The following ERICH5 variants were observed in gnomAD, a reference collection of about 807,000 sequenced individuals.
The protein encoded by ERICH5 is glutamate-rich protein 5.
In ERICH5, 24 loss-of-function variants were observed where a neutral mutation model predicts 28.0. That is an observed-to-expected ratio of 0.86 (90% confidence interval 0.62 to 1.21). The LOEUF (loss-of-function observed/expected upper bound fraction) is 1.21. ERICH5 is among the 50% of genes most tolerant of loss of function. The probability of loss-of-function intolerance (pLI) is 0.00; values close to 1 mark genes in which losing one functional copy is unlikely to be tolerated. For missense variants in ERICH5, 421 were observed against 441.2 expected (o/e 0.95, Z 0.41); for synonymous variants, 163 against 157.6 (o/e 1.03, Z -0.25).
Position 98,070,041 on chromosome 8 carries a change from A to G in ERICH5, c.58+5314A>G, listed in dbSNP as rs568728597. On this transcript the variant is annotated intron_variant, in intron 1 of 2. Coordinates refer to ENST00000318528, the MANE Select transcript of ERICH5 (RefSeq NM_173549.3). Reference sequence around the variant, plus strand: ...AGCTAGAAAACGAAGCTTAATACAGATAAGTCACTTGCCCTGGTCTCAGAG... The same window carrying G: ...AGCTAGAAAACGAAGCTTAATACAGGTAAGTCACTTGCCCTGGTCTCAGAG... Among the ~76,000 whole-genome samples the G allele has an allele frequency of 3.9e-5, 6 of 152,276 alleles. No homozygotes were observed. In the South Asian group the frequency reaches 1.2e-3, roughly 32 times the overall value.
In ERICH5 at chr8:98,070,942, A is replaced by C. The variant is rs546829255; in HGVS notation, c.58+6215A>C. ...CTATGCAGGAAAAGGTTAGCACTGT[A>C]AAACAACGCTTGATTGTCTGCCATT... On this transcript the variant is annotated intron_variant, in intron 1 of 2. Transcript: ENST00000318528. Among the ~76,000 whole-genome samples the C allele has an allele frequency of 1.2e-3, 185 of 152,258 alleles. 1 individual carries two copies. Among genetic ancestry groups the C allele is most frequent in the African/African-American group, 4.2e-3 (173 of 41,562 alleles).
intron 2 of ERICH5, among the ~76,000 whole-genome samples, chr8:98,090,612 A>G (rs945424784): frequency 2.6e-5 from 4 of 151,922 alleles, no homozygotes; most frequent in Non-Finnish European, 4.4e-5. Flanking sequence ...AAAAAAAAAA[A>G]AAAGAAAGAA....
At chr8:98,066,680 A>G (rs1024457100) in intron 1 of ERICH5, among the ~76,000 whole-genome samples, 2 of 152,198 alleles carry the variant, frequency 1.3e-5, no homozygotes, top group Non-Finnish European at 2.9e-5. Context: ...TTAACCTAAT[A>G]TGCGGCGTAA....
chr8:98,079,793 G>A (rs562562680), intron 1 of ERICH5, among the ~76,000 whole-genome samples: 31 of 152,320 alleles, frequency 2.0e-4, no homozygotes, highest in African/African-American at 7.0e-4. Context: ...ACCTGCCTTA[G>A]CCTCCCAAAG....
intron 1 of ERICH5, among the ~76,000 whole-genome samples, chr8:98,076,156 C>T (rs1361772340): frequency 2.6e-5 from 4 of 152,192 alleles, no homozygotes; most frequent in Admixed American, 6.5e-5. Context: ...TGAGTTCAAG[C>T]GATTCTCCTG....
At chr8:98,091,840 C>CTTTA (rs1359285283) in intron 2 of ERICH5, among the ~76,000 whole-genome samples, 25 of 52,612 alleles carry the variant, frequency 4.8e-4, no homozygotes, top group Non-Finnish European at 8.4e-4. Flanking sequence ...TTTTCTTTTT[C>CTTTA]TTTCTTTCTT....
At chr8:98,079,129 G>C (rs2130520286) in intron 1 of ERICH5, among the ~76,000 whole-genome samples, 1 of 149,810 alleles carries the variant, frequency 6.7e-6, no homozygotes, top group East Asian at 2.0e-4. Flanking sequence ...GTAAACCCTA[G>C]GATACCAGGG....
intron 1 of ERICH5, among the ~76,000 whole-genome samples, chr8:98,081,665 C>T (rs528210645): frequency 7.2e-5 from 11 of 152,184 alleles, no homozygotes; most frequent in South Asian, 6.2e-4. Context: ...CTGTGGCTTA[C>T]GCCTGTAACC....
chr8:98,078,872 T>G (rs1041533338), intron 1 of ERICH5, among the ~76,000 whole-genome samples: 1 of 152,196 alleles, frequency 6.6e-6, no homozygotes, highest in Non-Finnish European at 1.5e-5. Flanking sequence ...TCTACAATAT[T>G]TATTATATAA....
At chr8:98,091,448 A>G (rs951618997) in intron 2 of ERICH5, among the ~76,000 whole-genome samples, 6 of 152,200 alleles carry the variant, frequency 3.9e-5, no homozygotes, top group Non-Finnish European at 8.8e-5. Flanking sequence ...GGGAGAGGCA[A>G]ATAAAAGCAG....
chr8:98,076,377 G>T (rs1444612180), intron 1 of ERICH5, among the ~76,000 whole-genome samples: 1 of 141,360 alleles, frequency 7.1e-6, no homozygotes, highest in Non-Finnish European at 1.5e-5. Context: ...TTTCAGAAGA[G>T]AAATTAGAAG....
rs181884406 is a variant in ERICH5 at position 98,085,443 on chromosome 8, G to A, written c.59-3633G>A. On this transcript the variant is annotated intron_variant, in intron 1 of 2. Coordinates refer to ENST00000318528, the MANE Select transcript of ERICH5 (RefSeq NM_173549.3). The stretch of plus-strand genomic sequence containing the variant: ...CTCCCAAAGTGCTGGGATTACAGGC[G>A]TGAGCCACCGCTCCCGGCCGTTCCA... Among the ~76,000 whole-genome samples, 1,230 of 152,062 alleles carry A rather than the reference G, an allele frequency of 8.1e-3. 16 individuals are homozygous for A. The highest frequency in any genetic ancestry group is 0.013 in the Admixed American group (195 of 15,282).
chr8:98,085,891 C>G (rs1815268337), intron 1 of ERICH5, among the ~76,000 whole-genome samples: 1 of 152,144 alleles, frequency 6.6e-6, no homozygotes, highest in African/African-American at 2.4e-5. Context: ...GGTCACACAG[C>G]GTTTATCGCA....
chr8:98,091,917 C>CT lies in ERICH5; in HGVS notation c.1013-1302dup, dbSNP rs1278720071. On this transcript the variant is annotated intron_variant, in intron 2 of 2. Coordinates refer to ENST00000318528, the MANE Select transcript of ERICH5 (RefSeq NM_173549.3). Reference sequence around the variant, plus strand: ...CTTTCTTTCCTTTCTTTCTTTCTTTCTTCCTTTCTTTCTTTCTTCCTTTCT... The same window carrying CT: ...CTTTCTTTCCTTTCTTTCTTTCTTTCTTTCCTTTCTTTCTTTCTTCCTTTCT... 5.2e-3 allele frequency among the ~76,000 whole-genome samples: 366 copies of CT among 71,054 alleles called. 13 individuals are homozygous for CT. The highest frequency in any genetic ancestry group is 0.019 in the African/African-American group (330 of 17,076). The allele number at this position is 71,054 out of a possible 152,430, so 46.6% of individuals were successfully genotyped here. A position where few individuals can be genotyped will look rare whatever the true frequency, so the allele number is the denominator to read the frequency against.
intron 1 of ERICH5, 108 bp from the exon 2 acceptor site, chr8:98,088,968 C>A: frequency 1.2e-6 from 1 of 816,290 alleles, no homozygotes; most frequent in Non-Finnish European, 1.9e-6. Flanking sequence ...TTGGAACTGT[C>A]TTGAACTGTT....
chr8:98,067,637 C>G (rs1280603603), intron 1 of ERICH5, among the ~76,000 whole-genome samples: 1 of 149,622 alleles, frequency 6.7e-6, no homozygotes, highest in Non-Finnish European at 1.5e-5. Context: ...TTTTTTGAGA[C>G]GGCATTTCGC....
At chr8:98,088,656 T>C (rs1815322387) in intron 1 of ERICH5, among the ~76,000 whole-genome samples, 1 of 152,150 alleles carries the variant, frequency 6.6e-6, no homozygotes, top group South Asian at 2.1e-4. Context: ...CCTTCTAAGT[T>C]TGGGAATCTT....
At chr8:98,080,317 A>G (rs1163744706) in intron 1 of ERICH5, among the ~76,000 whole-genome samples, 1 of 152,250 alleles carries the variant, frequency 6.6e-6, no homozygotes, top group Non-Finnish European at 1.5e-5. Context: ...CAGATTGCAC[A>G]GGTAAGTAAA....
chr8:98,072,461 C>T (rs549589383), intron 1 of ERICH5, among the ~76,000 whole-genome samples: 1 of 152,132 alleles, frequency 6.6e-6, no homozygotes, highest in Non-Finnish European at 1.5e-5. Context: ...ATGGTGAAAC[C>T]CCATCTCTAC....
Sources: gnomAD v4.1 joint callset for allele counts (sites outside exome capture counted in the v4.1 genomes callset) on GRCh38, gnomAD v4.1.1 for gene constraint, MANE v1.5 for transcripts, NCBI Gene and HGNC (gene_info 2026-07-23, HGNC 2026-07-21) for gene names.